The following BMPR1B variants were observed in gnomAD, a reference collection of about 807,000 sequenced individuals.
The protein encoded by BMPR1B is bone morphogenetic protein receptor type-1B.
A neutral mutation model predicts 59.1 loss-of-function variants in BMPR1B; 12 were observed. The observed-to-expected ratio is 0.20, with a 90% CI of 0.13 to 0.33. The LOEUF (loss-of-function observed/expected upper bound fraction) is 0.33, where lower values mean the gene tolerates loss of function less well. BMPR1B is among the 10% of genes least tolerant of loss of function. The probability of loss-of-function intolerance (pLI) is 1.00; values close to 1 mark genes in which losing one functional copy is unlikely to be tolerated. For missense variants in BMPR1B, 550 were observed against 610.9 expected (o/e 0.90, Z 1.05); for synonymous variants, 237 against 207.3 (o/e 1.14, Z -1.23).
At chr4:95,036,298 T>C (rs1311418266) in intron 3 of BMPR1B, among the ~76,000 whole-genome samples, 2 of 152,156 alleles carry the variant, frequency 1.3e-5, no homozygotes, top group African/African-American at 2.4e-5. Flanking sequence ...TTGTGCTATT[T>C]TAAATTAATT....
chr4:94,973,976 A>G (rs927288869), intron 2 of BMPR1B, among the ~76,000 whole-genome samples: 1 of 152,212 alleles, frequency 6.6e-6, no homozygotes, highest in Non-Finnish European at 1.5e-5. Context: ...CTCCAGTCAT[A>G]TATCCAGATT....
chr4:95,128,963 C>CT (rs1733099982), intron 8 of BMPR1B, among the ~76,000 whole-genome samples: 1 of 151,994 alleles, frequency 6.6e-6, no homozygotes, highest in Non-Finnish European at 1.5e-5. Context: ...TTCTCTCCCT[C>CT]CATTTTTTTT....
intron 3 of BMPR1B, among the ~76,000 whole-genome samples, chr4:95,027,467 T>C (rs1380663630): frequency 6.6e-6 from 1 of 152,202 alleles, no homozygotes; most frequent in Non-Finnish European, 1.5e-5. Flanking sequence ...TCATCTTTCC[T>C]TTTGAACTGG....
At chr4:95,000,766 C>T (rs1169812635) in intron 3 of BMPR1B, among the ~76,000 whole-genome samples, 1 of 151,996 alleles carries the variant, frequency 6.6e-6, no homozygotes, top group Non-Finnish European at 1.5e-5. Context: ...AAAAACACTA[C>T]CAGCAGCACC....
intron 2 of BMPR1B, among the ~76,000 whole-genome samples, chr4:94,987,752 G>A (rs560095045): frequency 2.6e-5 from 4 of 151,844 alleles, no homozygotes; most frequent in East Asian, 1.9e-4. Context: ...TCAAATATAC[G>A]GCAGTTTTTT....
intron 3 of BMPR1B, among the ~76,000 whole-genome samples, chr4:95,000,533 A>G (rs975798911): frequency 5.3e-5 from 8 of 151,900 alleles, no homozygotes; most frequent in African/African-American, 9.7e-5. Context: ...GAGAGAGAGA[A>G]AGAGAGAAAG....
intron 1 of BMPR1B, among the ~76,000 whole-genome samples, chr4:94,815,311 C>T (rs1723968634): frequency 6.6e-6 from 1 of 152,140 alleles, no homozygotes; most frequent in African/African-American, 2.4e-5. Context: ...TTAATGTAAC[C>T]AAAATTTTTT....
chr4:95,041,860 CTT>C (rs199591225), intron 3 of BMPR1B, among the ~76,000 whole-genome samples: 1 of 146,510 alleles, frequency 6.8e-6, no homozygotes, highest in Admixed American at 6.8e-5. Flanking sequence ...AAATCCAAAA[CTT>C]TTTTTTTTTT....
chr4:95,061,868 G>C (rs543403865), intron 3 of BMPR1B, among the ~76,000 whole-genome samples: 1 of 152,164 alleles, frequency 6.6e-6, no homozygotes, highest in Non-Finnish European at 1.5e-5. Flanking sequence ...GAGGGACCTG[G>C]TGGGAGGTGA....
intron 2 of BMPR1B, among the ~76,000 whole-genome samples, chr4:94,926,937 A>C (rs1451754206): frequency 3.9e-5 from 6 of 152,146 alleles, no homozygotes; most frequent in African/African-American, 1.2e-4. Flanking sequence ...CTTTGGTAGA[A>C]TCAAAAGAGT....
chr4:94,956,017 G>T (rs1006977835), intron 2 of BMPR1B, among the ~76,000 whole-genome samples: 3 of 152,108 alleles, frequency 2.0e-5, no homozygotes, highest in African/African-American at 4.8e-5. Context: ...GTTGCCAATA[G>T]ATTTTATTTA....
At chr4:95,012,074 G>T (rs879559514) in intron 3 of BMPR1B, among the ~76,000 whole-genome samples, 9 of 151,864 alleles carry the variant, frequency 5.9e-5, no homozygotes, top group Non-Finnish European at 8.8e-5. Flanking sequence ...AAAGATGGAT[G>T]TTAGGTGATA....
chr4:95,048,798 G>A (rs1241228701), intron 3 of BMPR1B, among the ~76,000 whole-genome samples: 1 of 152,062 alleles, frequency 6.6e-6, no homozygotes, highest in Non-Finnish European at 1.5e-5. Flanking sequence ...AAATCTGGGT[G>A]GTTCTGCTAA....
chr4:94,899,318 C>T (rs1727711179), intron 2 of BMPR1B, among the ~76,000 whole-genome samples: 1 of 151,430 alleles, frequency 6.6e-6, no homozygotes, highest in South Asian at 2.1e-4. Context: ...TTACAGGTAC[C>T]AGCCATTAGG....
At chr4:95,103,452 G>A (rs1015379741) in intron 3 of BMPR1B, 14 of 984,986 alleles carry the variant, frequency 1.4e-5, no homozygotes, top group Middle Eastern at 5.2e-4. Context: ...AACTGCTCAC[G>A]GTGACAATTT....
At chr4:94,917,983 C>T (rs1482344931) in intron 2 of BMPR1B, among the ~76,000 whole-genome samples, 2 of 152,024 alleles carry the variant, frequency 1.3e-5, no homozygotes, top group Non-Finnish European at 1.5e-5. Flanking sequence ...TCCTCACTCT[C>T]TTTCTCCTGC....
chr4:94,829,264 A>T (rs6853333), intron 1 of BMPR1B, among the ~76,000 whole-genome samples: 1 of 151,340 alleles, frequency 6.6e-6, no homozygotes, highest in Non-Finnish European at 1.5e-5. Flanking sequence ...ATTTATTCCA[A>T]TAGGGCATAA....
At chr4:94,861,524 A>T (rs2148956980) in intron 1 of BMPR1B, among the ~76,000 whole-genome samples, 1 of 152,262 alleles carries the variant, frequency 6.6e-6, no homozygotes, top group South Asian at 2.1e-4. Flanking sequence ...GTGCTCAGCT[A>T]CCTAAATACT....
chr4:94,946,777 G>T (rs1013132456), intron 2 of BMPR1B, among the ~76,000 whole-genome samples: 1 of 152,080 alleles, frequency 6.6e-6, no homozygotes, highest in Non-Finnish European at 1.5e-5. Flanking sequence ...TTGGTCAGGC[G>T]TGGTGGCTCA....
Sources: gnomAD v4.1 joint callset for allele counts (sites outside exome capture counted in the v4.1 genomes callset) on GRCh38, gnomAD v4.1.1 for gene constraint, MANE v1.5 for transcripts, NCBI Gene and HGNC (gene_info 2026-07-23, HGNC 2026-07-21) for gene names.